Variants in CELF4 observed in about 807,000 individuals in gnomAD.
The protein encoded by CELF4 is CUGBP Elav-like family member 4, also known as CUG-BP- and ETR-3-like factor 4.
A neutral mutation model predicts 59.9 loss-of-function variants in CELF4; 18 were observed. That is an observed-to-expected ratio of 0.30 (90% confidence interval 0.21 to 0.45). CELF4 has a LOEUF of 0.45. Among genes scored for constraint, CELF4 ranks in the 20% least tolerant of loss-of-function variants. The probability of loss-of-function intolerance (pLI) is 1.00; values close to 1 mark genes in which losing one functional copy is unlikely to be tolerated. For missense variants in CELF4, 456 were observed against 689.0 expected, an observed-to-expected ratio of 0.66 and a Z score of 3.79; for synonymous variants, 261 against 267.1, an observed-to-expected ratio of 0.98 and a Z score of 0.22.
chr18:37,456,380 C>T (rs528727106), intron 2 of CELF4, among the ~76,000 whole-genome samples: 135 of 152,234 alleles, frequency 8.9e-4, no homozygotes, highest in African/African-American at 3.0e-3. Flanking sequence ...AGGCCCAGGA[C>T]TCTGCCTGCC....
chr18:37,431,870 A>T (rs931285097), intron 2 of CELF4, among the ~76,000 whole-genome samples: 1 of 152,234 alleles, frequency 6.6e-6, no homozygotes, highest in Non-Finnish European at 1.5e-5. Flanking sequence ...AGATAAGGAA[A>T]CTGAGGTCCC....
chr18:37,480,210 G>C (rs2099862555), intron 2 of CELF4, among the ~76,000 whole-genome samples: 1 of 150,994 alleles, frequency 6.6e-6, no homozygotes, highest in Admixed American at 6.6e-5. Context: ...GTGTGGATCT[G>C]GCTGAGATGA....
At chr18:37,397,055 G>C (rs1272568184) in intron 2 of CELF4, among the ~76,000 whole-genome samples, 1 of 152,148 alleles carries the variant, frequency 6.6e-6, no homozygotes, top group Non-Finnish European at 1.5e-5. Context: ...CAGAGCCCAG[G>C]GGGGAGGTGA....
At chr18:37,546,926 C>T (rs989036572) in intron 1 of CELF4, among the ~76,000 whole-genome samples, 4 of 152,182 alleles carry the variant, frequency 2.6e-5, no homozygotes, top group African/African-American at 9.7e-5. Flanking sequence ...CCCCTCATCT[C>T]TCCTGTCCAG....
At chr18:37,446,918 A>G (rs1425121593) in intron 2 of CELF4, among the ~76,000 whole-genome samples, 16 of 152,098 alleles carry the variant, frequency 1.1e-4, no homozygotes, top group Admixed American at 1.0e-3. Flanking sequence ...TTTTTCCCTC[A>G]AGGAGCTTCT....
chr18:37,253,938 C>T lies in CELF4; in HGVS notation c.1334G>A (p.Gly445Asp). ...GGCCGGGTTGTCGAAGCTCACGAAG[C>T]CTGGCGAGACACGAGGGACGAGGGC... ...AELMQMFLPFGFVSFDNPASA... is the reference protein window; with the variant it reads ...AELMQMFLPFDFVSFDNPASA... Residue 445 changes from glycine to aspartate, a missense_variant and splice_region_variant, in exon 12 of 13, where the codon GGC becomes GAC. Coordinates refer to ENST00000420428, the MANE Select transcript of CELF4 (RefSeq NM_020180.4). The surrounding 1 kb of genome is among the most constrained non-coding windows in gnomAD (Gnocchi z 4.5). The T allele has an allele frequency of 6.2e-7, 1 of 1,602,898 alleles. No individual in the cohort carries two copies. The highest frequency in any genetic ancestry group is 8.5e-7 in the Non-Finnish European group (1 of 1,175,202).
chr18:37,275,190 C>T lies in CELF4; in HGVS notation c.502G>A (p.Val168Met). ...CCAAAGGCCTCGAAAAGGCGGCGCA[C>T]GTCGTCCTCGGACTGTTGCTTGTTG... ...MLNKQQSEDD[V>M]RRLFEAFGNI... Residue 168 changes from valine to methionine, a missense_variant, in exon 4 of 13, where the codon GTG becomes ATG. Physicochemically the swap from Val to Met is conservative, Grantham distance 21 (BLOSUM62 1). This residue lies in a region of CELF4 where 56 missense variants were observed against 92.0 expected (regional missense o/e 0.61). Transcript: ENST00000420428. The T allele has an allele frequency of 6.2e-7, 1 of 1,613,672 alleles. No homozygotes were observed. The highest frequency in any genetic ancestry group is 8.5e-7 in the Non-Finnish European group (1 of 1,179,872).
intron 2 of CELF4, among the ~76,000 whole-genome samples, chr18:37,449,450 TCTACCAC>T (rs1332783007): frequency 1.3e-5 from 2 of 152,110 alleles, no homozygotes; most frequent in African/African-American, 4.8e-5. Context: ...TGGGAGAAGT[TCTACCAC>T]CCACTCATTT....
At chr18:37,417,216 T>C (rs1327186937) in intron 2 of CELF4, among the ~76,000 whole-genome samples, 1 of 152,124 alleles carries the variant, frequency 6.6e-6, no homozygotes, top group Non-Finnish European at 1.5e-5. Context: ...GTGCAGGAGA[T>C]AGGGCTGCTT....
intron 10 of CELF4, among the ~76,000 whole-genome samples, chr18:37,262,687 G>A (rs2075457554): frequency 6.6e-6 from 1 of 152,160 alleles, no homozygotes; most frequent in South Asian, 2.1e-4. Flanking sequence ...AAGATATCAG[G>A]GCCTGTAGGC....
chr18:37,303,589 G>A (rs2096214114), intron 3 of CELF4, among the ~76,000 whole-genome samples: 1 of 152,136 alleles, frequency 6.6e-6, no homozygotes, highest in Non-Finnish European at 1.5e-5. Flanking sequence ...GAGGTGAGGC[G>A]GGTGGGGAGA....
At chr18:37,422,481 G>A (rs577122347) in intron 2 of CELF4, among the ~76,000 whole-genome samples, 55 of 152,306 alleles carry the variant, frequency 3.6e-4, no homozygotes, top group African/African-American at 1.3e-3. Context: ...AAAAAGCAAA[G>A]TCAGCCCTGC....
At chr18:37,426,100 C>A (rs911275318) in intron 2 of CELF4, among the ~76,000 whole-genome samples, 2 of 152,204 alleles carry the variant, frequency 1.3e-5, no homozygotes, top group East Asian at 1.9e-4. Context: ...ATGGGCCTTT[C>A]CCCCCAGTAG....
Position 37,292,106 on chromosome 18 carries a change from C to T in CELF4, c.449-16863G>A, listed in dbSNP as rs372662453. On this transcript the variant is annotated intron_variant, in intron 3 of 12. Transcript: ENST00000420428. ...CCACGTGCAATTACAGCAAGATGTT[C>T]TCACCAGATATGGAATCTGCTGGCA... is the stretch of plus-strand genomic sequence containing the variant. Among the ~76,000 whole-genome samples the T allele has an allele frequency of 2.0e-5, 3 of 152,070 alleles. No individual in the cohort carries two copies. The East Asian group carries it at 5.8e-4, about 29-fold the overall frequency.
Position 37,332,923 on chromosome 18 carries a change from G to A in CELF4, c.370-11042C>T, listed in dbSNP as rs185609897. Reference sequence around the variant, plus strand: ...TCCATCTTGCTGCTCCTGTGAACACGCCAGGGCTGCACTGGCAAGGGTGGG... The same window carrying A: ...TCCATCTTGCTGCTCCTGTGAACACACCAGGGCTGCACTGGCAAGGGTGGG... On this transcript the variant is annotated intron_variant, in intron 2 of 12. Coordinates refer to ENST00000420428, the MANE Select transcript of CELF4 (RefSeq NM_020180.4). Among the ~76,000 whole-genome samples the A allele has an allele frequency of 3.6e-4, 55 of 152,310 alleles. 1 individual carries two copies. In the East Asian group the frequency reaches 8.1e-3, roughly 23 times the overall value.
At chr18:37,250,123 G>A (rs558846253) in intron 12 of CELF4, among the ~76,000 whole-genome samples, 52 of 152,306 alleles carry the variant, frequency 3.4e-4, no homozygotes, top group Non-Finnish European at 5.9e-4. Context: ...GCGGGGCCAG[G>A]CTGGGTGTGT....
intron 2 of CELF4, among the ~76,000 whole-genome samples, chr18:37,400,551 T>C (rs1250249345): frequency 1.3e-5 from 2 of 152,190 alleles, no homozygotes; most frequent in Non-Finnish European, 2.9e-5. Flanking sequence ...AGAAGAATCA[T>C]TGGTAGTTAG....
chr18:37,408,492 C>G (rs10164128), intron 2 of CELF4, among the ~76,000 whole-genome samples: 77,592 of 112,110 alleles, frequency 0.69, 25,256 homozygotes, highest in South Asian at 0.87. Context: ...TGGTTGGTGC[C>G]GGGGGGGGGC....
At chr18:37,538,461 C>T (rs1485541296) in intron 1 of CELF4, among the ~76,000 whole-genome samples, 2 of 152,196 alleles carry the variant, frequency 1.3e-5, no homozygotes, top group Non-Finnish European at 1.5e-5. Flanking sequence ...CTCTGGCTCT[C>T]GACTCCTTCA....
Sources: gnomAD v4.1 joint callset for allele counts (sites outside exome capture counted in the v4.1 genomes callset) on GRCh38, gnomAD v4.1.1 for gene constraint, gnomAD v4.1.1 regional missense constraint, Gnocchi (gnomAD v3.1) non-coding constraint, MANE v1.5 for transcripts, NCBI Gene and HGNC (gene_info 2026-07-23, HGNC 2026-07-21) for gene names.